NOX3: variants seen among roughly 807,000 people sequenced by gnomAD.
The protein encoded by NOX3 is NADPH oxidase catalytic subunit-like 3.
In NOX3, 74 loss-of-function variants were observed where a neutral mutation model predicts 76.7. The observed-to-expected ratio is 0.96, with a 90% confidence interval of 0.80 to 1.17. NOX3 has a LOEUF of 1.17. Ranked by LOEUF, NOX3 falls within the 50% of genes most tolerant of loss-of-function variation. The pLI, the probability that NOX3 is intolerant of heterozygous loss-of-function variation, is 0.00. For missense variants in NOX3, 695 were observed against 703.3 expected (o/e 0.99, Z 0.13); for synonymous variants, 263 against 261.1 (o/e 1.01, Z -0.07).
intron 12 of NOX3, among the ~76,000 whole-genome samples, chr6:155,400,398 A>T (rs752460639): frequency 2.4e-4 from 37 of 152,294 alleles, no homozygotes; most frequent in Non-Finnish European, 4.1e-4. Flanking sequence ...AAAGCAAATT[A>T]CTTTATACCC....
chr6:155,420,121 C>T (rs1417901078), intron 10 of NOX3, among the ~76,000 whole-genome samples: 1 of 151,944 alleles, frequency 6.6e-6, no homozygotes, highest in Non-Finnish European at 1.5e-5. Flanking sequence ...AATCTTAATA[C>T]AGGAAAGATA....
At chr6:155,442,179 G>A (rs574403108) in intron 5 of NOX3, among the ~76,000 whole-genome samples, 22 of 152,268 alleles carry the variant, frequency 1.4e-4, no homozygotes, top group African/African-American at 5.1e-4. Context: ...CAGGAGAATA[G>A]CGTGAATCCG....
intron 7 of NOX3, among the ~76,000 whole-genome samples, chr6:155,435,433 T>C (rs231960): frequency 0.43 from 64,637 of 151,970 alleles, 14,426 homozygotes; most frequent in East Asian, 0.6. Flanking sequence ...CACAGTCTAA[T>C]GGGCATATCT....
chr6:155,402,229 T>C (rs1221419031), intron 12 of NOX3, among the ~76,000 whole-genome samples: 1 of 152,230 alleles, frequency 6.6e-6, no homozygotes, highest in East Asian at 1.9e-4. Context: ...AATGAATGTA[T>C]TTAATTAGCC....
At chr6:155,442,371 C>T (rs559275501) in intron 5 of NOX3, among the ~76,000 whole-genome samples, 1 of 152,340 alleles carries the variant, frequency 6.6e-6, no homozygotes, top group East Asian at 1.9e-4. Flanking sequence ...GGGGACATGA[C>T]ATGGAACAAG....
chr6:155,454,739 C>T (rs1777188739), intron 3 of NOX3, 72 bp downstream of exon 3: 2 of 871,494 alleles, frequency 2.3e-6, no homozygotes, highest in African/African-American at 1.7e-5. Flanking sequence ...TAATAAAGTA[C>T]ATTTTTTTTC....
chr6:155,423,743 CTT>C (rs528445827), intron 9 of NOX3, among the ~76,000 whole-genome samples: 10 of 137,500 alleles, frequency 7.3e-5, no homozygotes, highest in Non-Finnish European at 7.9e-5. Flanking sequence ...TTTTCTTTTT[CTT>C]TTTTTTTTTT....
At chr6:155,410,180 A>G (rs231967) in intron 11 of NOX3, among the ~76,000 whole-genome samples, 3,412 of 152,348 alleles carry the variant, frequency 0.022, 58 homozygotes, top group African/African-American at 0.05. Flanking sequence ...AAAGGATTAA[A>G]TATTTAAGAA....
At chr6:155,455,667 ATTTAGCGTTCCTATACAAG>A (rs1777204756) in intron 1 of NOX3, 67 bp downstream of exon 1, 10 of 1,013,372 alleles carry the variant, frequency 9.9e-6, no homozygotes, top group Non-Finnish European at 1.4e-5. Flanking sequence ...ACTTCAAGCT[ATTTAGCGTTCCTATACAAG>A]TTTTCCTAAA....
At chr6:155,424,029 C>T (rs1469597773) in intron 9 of NOX3, among the ~76,000 whole-genome samples, 2 of 152,196 alleles carry the variant, frequency 1.3e-5, no homozygotes, top group East Asian at 3.9e-4. Context: ...GCGTGAGCCA[C>T]TGCACCTGGC....
chr6:155,451,072 G>A (rs1223281244), intron 4 of NOX3, among the ~76,000 whole-genome samples: 3 of 151,762 alleles, frequency 2.0e-5, no homozygotes, highest in African/African-American at 4.8e-5. Flanking sequence ...TCCACCTCCC[G>A]GGTTCAGATG....
At chr6:155,399,709 G>A (rs1429749617) in intron 12 of NOX3, among the ~76,000 whole-genome samples, 1 of 149,744 alleles carries the variant, frequency 6.7e-6, no homozygotes, top group Non-Finnish European at 1.5e-5. Flanking sequence ...AAGTGTTTAA[G>A]GGACAGATGT....
chr6:155,417,032 T>A (rs1413134659), intron 10 of NOX3, among the ~76,000 whole-genome samples: 4 of 152,062 alleles, frequency 2.6e-5, no homozygotes, highest in Admixed American at 2.6e-4. Flanking sequence ...ATTGCAGGTG[T>A]GAGCCACCAC....
chr6:155,448,985 G>A (rs183121166), intron 4 of NOX3, among the ~76,000 whole-genome samples: 1,629 of 152,262 alleles, frequency 0.011, 9 homozygotes, highest in Non-Finnish European at 0.017. Flanking sequence ...TGTGTGCCAC[G>A]CATTTGTAAA....
Position 155,436,560 on chromosome 6 carries a change from G to A in NOX3, c.669-13C>T, listed in dbSNP as rs1776907077. The A allele has an allele frequency of 1.2e-6, 2 of 1,610,980 alleles. No individual in the cohort carries two copies. Among genetic ancestry groups the A allele is most frequent in the Non-Finnish European group, 1.7e-6 (2 of 1,179,210 alleles). ...TCGAACAATCCGACTTGTTATTTAA[G>A]AAAAGCAAAACAAAACAAAAAGCAA... On this transcript the variant is annotated splice_polypyrimidine_tract_variant and intron_variant, in intron 6 of 13. Coordinates refer to ENST00000159060, the MANE Select transcript of NOX3 (RefSeq NM_015718.3).
At chr6:155,413,600 G>A (rs868206172) in intron 10 of NOX3, among the ~76,000 whole-genome samples, 8 of 152,068 alleles carry the variant, frequency 5.3e-5, no homozygotes, top group African/African-American at 1.5e-4. Context: ...CTTTCTTTTC[G>A]CTTTGTATTG....
At chr6:155,449,744 T>A (rs1381124455) in intron 4 of NOX3, among the ~76,000 whole-genome samples, 1 of 152,156 alleles carries the variant, frequency 6.6e-6, no homozygotes, top group African/African-American at 2.4e-5. Context: ...AAATTAGAGG[T>A]TGGCATGCAA....
At chr6:155,427,873 G>GCTTTTT (rs1380580175) in intron 9 of NOX3, among the ~76,000 whole-genome samples, 6 of 151,926 alleles carry the variant, frequency 3.9e-5, no homozygotes, top group African/African-American at 1.5e-4. Flanking sequence ...ATGTGCCCAG[G>GCTTTTT]CTTTTTCTTT....
At chr6:155,439,455 G>A (rs1160303809) in intron 6 of NOX3, among the ~76,000 whole-genome samples, 1 of 152,150 alleles carries the variant, frequency 6.6e-6, no homozygotes, top group Admixed American at 6.5e-5. Flanking sequence ...TGGGGAAACT[G>A]AGGCTCAGAG....
Sources: allele counts gnomAD v4.1 joint callset (sites outside exome capture counted in the v4.1 genomes callset), GRCh38; gene constraint gnomAD v4.1.1; transcripts MANE v1.5; gene names NCBI Gene and HGNC (gene_info 2026-07-23, HGNC 2026-07-21).